MMP28: variants seen among roughly 807,000 people sequenced by gnomAD.
The protein encoded by MMP28 is matrix metallopeptidase 28.
Under a neutral mutation model 60.5 loss-of-function variants are expected in MMP28, and 55 were observed. The ratio of observed to expected loss-of-function variants is 0.91; its 90% CI spans 0.73 to 1.14. The LOEUF is 1.14. Among genes scored for constraint, MMP28 ranks in the 50% most tolerant of loss-of-function variants. The pLI is 0.00. For synonymous variants in MMP28, 318 were observed against 312.5 expected (o/e 1.02, Z -0.18); for missense variants, 686 against 738.3 (o/e 0.93, Z 0.82).
chr17:35,772,775 C>T (rs928089033), intron 4 of MMP28, among the ~76,000 whole-genome samples: 4 of 151,998 alleles, frequency 2.6e-5, no homozygotes, highest in East Asian at 1.9e-4. Flanking sequence ...CCTGTGGCAG[C>T]GGCTCTGGTA....
chr17:35,764,060 G>T, downstream of MMP28: 2 of 1,549,812 alleles, frequency 1.3e-6, no homozygotes, highest in Non-Finnish European at 1.7e-6. Context: ...GGCCGAGGAC[G>T]CGGAGCAAGA....
At chr17:35,792,765 G>A (rs1340291892) in intron 1 of MMP28, among the ~76,000 whole-genome samples, 1 of 152,176 alleles carries the variant, frequency 6.6e-6, no homozygotes, top group Non-Finnish European at 1.5e-5. Context: ...CTAAAGTAAT[G>A]ATAAAGGTAA....
Position 35,766,638 on chromosome 17 carries a change from G to A in MMP28, c.1425C>T (p.Gly475=). Reference sequence around the variant, plus strand: ...GGTCATCTCGGAAGAAGATGATGGAGCCATCGGGCCTCGGCAGGGCGCCGC... The same window carrying A: ...GGTCATCTCGGAAGAAGATGATGGAACCATCGGGCCTCGGCAGGGCGCCGC... ...EVSGALPRPD[G]SIIFFRDDRY... The change falls in exon 8 of 8, where the codon GGC becomes GGT. Residue 475 remains glycine (G), a synonymous_variant. Coordinates refer to ENST00000605424, the MANE Select transcript of MMP28 (RefSeq NM_024302.5). This position sits in a 1 kb window ranked among gnomAD's most constrained non-coding sequence, Gnocchi z 4.3. 1 of 1,612,498 alleles carries A rather than the reference G, an allele frequency of 6.2e-7. No homozygotes were observed. Among genetic ancestry groups the A allele is most frequent in the South Asian group, 1.1e-5 (1 of 91,046 alleles).
intron 1 of MMP28, among the ~76,000 whole-genome samples, chr17:35,784,341 C>G (rs1021249580): frequency 6.6e-6 from 1 of 151,790 alleles, no homozygotes; most frequent in African/African-American, 2.4e-5. Flanking sequence ...TATGGGCTCC[C>G]TTATACTTTT....
intron 1 of MMP28, among the ~76,000 whole-genome samples, chr17:35,786,667 G>A (rs1017247787): frequency 7.7e-6 from 1 of 130,160 alleles, no homozygotes; most frequent in Non-Finnish European, 1.5e-5. Flanking sequence ...CCAGGATTTC[G>A]AGACCAGCCT....
chr17:35,772,809 G>T (rs1038064839), intron 4 of MMP28, among the ~76,000 whole-genome samples: 1 of 152,140 alleles, frequency 6.6e-6, no homozygotes, highest in African/African-American at 2.4e-5. Context: ...GAGCAGTGGT[G>T]GGCAGTGGAT....
chr17:35,771,546 G>GAACACA (rs2086140639), intron 4 of MMP28, among the ~76,000 whole-genome samples: 11 of 149,868 alleles, frequency 7.3e-5, no homozygotes, highest in African/African-American at 2.4e-5. Flanking sequence ...TGGGTGCTGG[G>GAACACA]AGCATTCAGT....
chr17:35,794,810 C>T (rs559815160), intron 1 of MMP28, among the ~76,000 whole-genome samples: 33 of 152,258 alleles, frequency 2.2e-4, no homozygotes, highest in Non-Finnish European at 4.7e-4. Context: ...AATGGCTTGC[C>T]CAAGCAGGTC....
At chr17:35,771,430 CAAAAAA>C (rs548706247) in intron 4 of MMP28, among the ~76,000 whole-genome samples, 2 of 47,350 alleles carry the variant, frequency 4.2e-5, no homozygotes, top group African/African-American at 8.2e-5. Context: ...GACTCTGTCT[CAAAAAA>C]AAAAAAAAAA....
At chr17:35,789,788 G>A (rs555253159) in intron 1 of MMP28, among the ~76,000 whole-genome samples, 2 of 149,408 alleles carry the variant, frequency 1.3e-5, no homozygotes, top group East Asian at 1.9e-4. Context: ...TTTTTAAGAC[G>A]GAGTCTCGCT....
downstream of MMP28, among the ~76,000 whole-genome samples, chr17:35,761,717 C>T (rs1181400219): frequency 1.3e-5 from 2 of 152,242 alleles, no homozygotes; most frequent in Non-Finnish European, 2.9e-5. Context: ...TAAAACACAG[C>T]TTGGAACACG....
rs759168375 is a variant in MMP28 at position 35,770,293 on chromosome 17, G to A, written c.624C>T (p.Ala208=). 5.7e-5 allele frequency: 88 copies of A among 1,535,390 alleles called. No individual in the cohort carries two copies. Among genetic ancestry groups the A allele is most frequent in the Non-Finnish European group, 7.5e-5 (86 of 1,149,440 alleles). Residue 208 remains alanine (A), a synonymous_variant, in exon 5 of 8, where the codon GCC becomes GCT. Transcript: ENST00000605424. ...GCGCTTCGCCGCGGCGGGGCAGGAA[G>A]GCGTGCGCCAGGGCGCCCCCTGCAG... ...FDGPGGALAH[A]FLPRRGEAHF...
chr17:35,790,832 A>G (rs990344205), intron 1 of MMP28, among the ~76,000 whole-genome samples: 2 of 151,670 alleles, frequency 1.3e-5, no homozygotes, highest in African/African-American at 4.9e-5. Context: ...CTCACTTCCC[A>G]CTTGACACAT....
chr17:35,756,505 C>T lies in MMP28; in HGVS notation c.266-86G>A, dbSNP rs975270992. 2.7e-5 allele frequency: 23 copies of T among 867,378 alleles called. No individual in the cohort carries two copies. The African/African-American group carries it at 4.4e-4, about 17-fold the overall frequency. The allele number at this position is 867,378 out of a possible 1,614,324, so 53.7% of individuals were successfully genotyped here. A position where few individuals can be genotyped will look rare whatever the true frequency, so the allele number is the denominator to read the frequency against. On this transcript the variant is annotated intron_variant, in intron 2 of 2. Coordinates refer to the MMP28 transcript ENST00000615317. ...TTTTTTTTTGAGACGGAGTCTCGCT[C>T]TGTCACCCAGGCTGGAGTGCAGAGG...
chr17:35,765,934 G>C lies in MMP28; in HGVS notation c.*566C>G. On this transcript the variant is annotated 3_prime_UTR_variant, in exon 8 of 8. Coordinates refer to ENST00000605424, the MANE Select transcript of MMP28 (RefSeq NM_024302.5). ...GCCCCAGACAAAAAGCCAGGGACTG[G>C]TAGGCCTGCATCAGTCTCCCTCCCA... is the stretch of plus-strand genomic sequence containing the variant. The C allele has an allele frequency of 1.0e-6, 1 of 985,434 alleles. No homozygotes were observed. The highest frequency in any genetic ancestry group is 1.2e-6 in the Non-Finnish European group (1 of 829,936). 61.0% of individuals were successfully genotyped at this position (985,434 alleles called of 1,614,324 possible). A position where few individuals can be genotyped will look rare whatever the true frequency, so the allele number is the denominator to read the frequency against.
intron 4 of MMP28, among the ~76,000 whole-genome samples, chr17:35,771,249 G>A (rs1030471267): frequency 1.3e-5 from 2 of 151,948 alleles, no homozygotes; most frequent in African/African-American, 2.4e-5. Flanking sequence ...TGGCTAACAC[G>A]GTGAAACCCT....
At chr17:35,760,898 T>C (rs782617811), downstream of MMP28, 14 of 1,612,592 alleles carry the variant, frequency 8.7e-6, no homozygotes, top group East Asian at 2.9e-4. Context: ...CCCTCTCACA[T>C]CCCAGTCTCT....
At chr17:35,760,151 C>T (rs1245025713) in intron 2 of MMP28, among the ~76,000 whole-genome samples, 2 of 152,182 alleles carry the variant, frequency 1.3e-5, no homozygotes, top group African/African-American at 4.8e-5. Flanking sequence ...CACTATTAGA[C>T]TGGGCTCTCT....
At chr17:35,778,815 T>C in intron 3 of MMP28, 73 bp downstream of exon 3, 1 of 1,613,276 alleles carries the variant, frequency 6.2e-7, no homozygotes, top group Middle Eastern at 1.7e-4. Flanking sequence ...AGTCCCAGGC[T>C]CAGCTGTTTT....
Sources: allele counts gnomAD v4.1 joint callset (sites outside exome capture counted in the v4.1 genomes callset), GRCh38; gene constraint gnomAD v4.1.1; non-coding constraint Gnocchi (gnomAD v3.1); transcripts MANE v1.5; gene names NCBI Gene and HGNC (gene_info 2026-07-23, HGNC 2026-07-21).